The following PDE4D variants were observed in gnomAD, a reference collection of about 807,000 sequenced individuals.
The protein encoded by PDE4D is phosphodiesterase 4D.
In PDE4D, 24 loss-of-function variants were observed where a neutral mutation model predicts 87.4. That is an observed-to-expected ratio of 0.27 (90% CI 0.20 to 0.39). The LOEUF (loss-of-function observed/expected upper bound fraction) is 0.39, where lower values mean the gene tolerates loss of function less well. PDE4D is among the 10% of genes least tolerant of loss of function. The pLI is 1.00. For missense variants in PDE4D, 714 were observed against 1,041.0 expected (o/e 0.69, Z 4.32); for synonymous variants, 384 against 383.2 (o/e 1.00, Z -0.02).
At chr5:59,954,372 C>T (rs2152806342) in intron 3 of PDE4D, among the ~76,000 whole-genome samples, 2 of 152,200 alleles carry the variant, frequency 1.3e-5, no homozygotes, top group South Asian at 4.1e-4. Flanking sequence ...AGAGATTCTC[C>T]CAATAATTAT....
chr5:60,439,274 A>G (rs773405158), intron 1 of PDE4D, among the ~76,000 whole-genome samples: 1 of 146,474 alleles, frequency 6.8e-6, no homozygotes, highest in Non-Finnish European at 1.5e-5. Context: ...GACATCCCAG[A>G]AAATTGATAC....
intron 1 of PDE4D, among the ~76,000 whole-genome samples, chr5:60,259,690 A>G (rs1749445619): frequency 6.6e-6 from 1 of 152,012 alleles, no homozygotes; most frequent in Non-Finnish European, 1.5e-5. Flanking sequence ...CCACTTATGG[A>G]CAGTTTGACT....
intron 1 of PDE4D, among the ~76,000 whole-genome samples, chr5:59,689,883 C>T (rs1750606406): frequency 6.6e-6 from 1 of 152,156 alleles, no homozygotes; most frequent in Non-Finnish European, 1.5e-5. Context: ...TCTCAGGATA[C>T]AAAATCAATG....
At chr5:59,881,162 G>A (rs1415553301) in intron 1 of PDE4D, among the ~76,000 whole-genome samples, 1 of 152,116 alleles carries the variant, frequency 6.6e-6, no homozygotes, top group Non-Finnish European at 1.5e-5. Flanking sequence ...GGGTCTTAAT[G>A]TCATGCAGAA....
chr5:59,335,174 C>T (rs971491907), intron 1 of PDE4D, among the ~76,000 whole-genome samples: 2 of 152,174 alleles, frequency 1.3e-5, no homozygotes, highest in South Asian at 2.1e-4. Flanking sequence ...GGAACCATGT[C>T]GGTATGTTTA....
intron 1 of PDE4D, among the ~76,000 whole-genome samples, chr5:59,525,330 G>A (rs191150992): frequency 3.3e-3 from 510 of 152,366 alleles, no homozygotes; most frequent in African/African-American, 0.012. Flanking sequence ...AATGTTTAAT[G>A]ACTGCCCTAT....
chr5:59,291,620 G>T (rs1483387736), intron 1 of PDE4D, among the ~76,000 whole-genome samples: 2 of 151,672 alleles, frequency 1.3e-5, no homozygotes, highest in African/African-American at 4.9e-5. Context: ...TGCTTGAGGT[G>T]ATGCATACCC....
rs556600482 is a variant in PDE4D at position 60,057,708 on chromosome 5, C to A, written c.43-68991G>T. On this transcript the variant is annotated intron_variant, in intron 2 of 16. Transcript: ENST00000502484. The stretch of plus-strand genomic sequence containing the variant: ...ATAACTAATTTATGTAAATATAATA[C>A]TGGATTCCTATCTGTAACATGCTGT... Among the ~76,000 whole-genome samples the A allele has an allele frequency of 1.9e-4, 29 of 152,038 alleles. No individual in the cohort carries two copies. In the South Asian group the frequency reaches 6.0e-3, roughly 32 times the overall value.
intron 1 of PDE4D, among the ~76,000 whole-genome samples, chr5:59,658,712 G>A (rs1468442988): frequency 6.6e-6 from 1 of 152,140 alleles, no homozygotes; most frequent in Non-Finnish European, 1.5e-5. Flanking sequence ...GTTGCCCAAA[G>A]GACTCCAGCA....
intron 1 of PDE4D, among the ~76,000 whole-genome samples, chr5:59,648,290 G>A (rs2150224600): frequency 6.6e-6 from 1 of 152,260 alleles, no homozygotes; most frequent in Non-Finnish European, 1.5e-5. Flanking sequence ...AAGTGCTCAT[G>A]TGTGAGCAAT....
intron 6 of PDE4D, among the ~76,000 whole-genome samples, chr5:59,025,586 T>C (rs995892156): frequency 5.3e-5 from 8 of 152,228 alleles, no homozygotes; most frequent in African/African-American, 1.7e-4. Context: ...TAGAATTAAA[T>C]GTAAAATAAC....
In PDE4D at chr5:60,438,668, A is replaced by AT. The variant is rs141801465; in HGVS notation, c.-90+49273dup. Among the ~76,000 whole-genome samples the AT allele has an allele frequency of 4.9e-3, 732 of 150,368 alleles. 6 individuals carry two copies. Among genetic ancestry groups the AT allele is most frequent in the African/African-American group, 0.016 (659 of 41,130 alleles). On this transcript the variant is annotated intron_variant, in intron 1 of 16. Transcript: ENST00000502484. ...TGAAAGATGTCAGAAAAAATGAGCA[A>AT]TTTTTTTTTTGACAGTCATTACTTT...
At chr5:60,330,898 A>C (rs937121527) in intron 1 of PDE4D, among the ~76,000 whole-genome samples, 1 of 152,216 alleles carries the variant, frequency 6.6e-6, no homozygotes, top group African/African-American at 2.4e-5. Context: ...TCCAGTACAG[A>C]TGGATCAGGA....
At chr5:60,427,538 G>A (rs1372297584) in intron 1 of PDE4D, among the ~76,000 whole-genome samples, 1 of 151,328 alleles carries the variant, frequency 6.6e-6, no homozygotes, top group Non-Finnish European at 1.5e-5. Context: ...TTAATCACCA[G>A]CAGACCTACA....
chr5:59,851,936 C>T (rs921816191), intron 1 of PDE4D, among the ~76,000 whole-genome samples: 14 of 152,048 alleles, frequency 9.2e-5, no homozygotes, highest in African/African-American at 1.9e-4. Context: ...GAGCTAAGAA[C>T]CCAGCTACCC....
At chr5:59,354,084 C>T (rs1339680130) in intron 1 of PDE4D, among the ~76,000 whole-genome samples, 1 of 151,962 alleles carries the variant, frequency 6.6e-6, no homozygotes, top group African/African-American at 2.4e-5. Flanking sequence ...GCTAAGTGTA[C>T]CCCCAGTAGC....
At chr5:60,044,697 T>C (rs1234517840) in intron 2 of PDE4D, among the ~76,000 whole-genome samples, 1 of 152,234 alleles carries the variant, frequency 6.6e-6, no homozygotes, top group Non-Finnish European at 1.5e-5. Flanking sequence ...CATGAACTCA[T>C]CATGTTTTAT....
At chr5:59,199,382 C>T (rs566216836) in intron 2 of PDE4D, among the ~76,000 whole-genome samples, 13 of 152,054 alleles carry the variant, frequency 8.5e-5, no homozygotes, top group African/African-American at 3.1e-4. Flanking sequence ...TGTGCACCAC[C>T]GCGCTGGCCG....
rs533970610 is a variant in PDE4D at position 60,401,833 on chromosome 5, G to A, written c.-90+86109C>T. Reference sequence around the variant, plus strand: ...AGCATCTGCGTCAATCAACAGATATGTCTAGCCCAATAAACTGAAACACTC... The same window carrying A: ...AGCATCTGCGTCAATCAACAGATATATCTAGCCCAATAAACTGAAACACTC... On this transcript the variant is annotated intron_variant, in intron 1 of 16. Coordinates refer to the PDE4D transcript ENST00000502484. Among the ~76,000 whole-genome samples the A allele has an allele frequency of 7.0e-4, 106 of 152,346 alleles. 1 individual carries two copies. The highest frequency in any genetic ancestry group is 2.4e-3 in the African/African-American group (100 of 41,580).
Sources: allele counts gnomAD v4.1 joint callset (sites outside exome capture counted in the v4.1 genomes callset), GRCh38; gene constraint gnomAD v4.1.1; transcripts MANE v1.5; gene names NCBI Gene and HGNC (gene_info 2026-07-23, HGNC 2026-07-21).